The following KCNJ4 variants were observed in gnomAD, a reference collection of about 807,000 sequenced individuals.
The protein encoded by KCNJ4 is inward rectifier potassium channel 4.
A neutral mutation model predicts 25.6 loss-of-function variants in KCNJ4; 3 were observed. The ratio of observed to expected loss-of-function variants is 0.12; its 90% confidence interval spans 0.05 to 0.30. KCNJ4 has a LOEUF of 0.30. Ranked by LOEUF, KCNJ4 falls within the 10% of genes least tolerant of loss-of-function variation. The pLI, the probability that KCNJ4 is intolerant of heterozygous loss-of-function variation, is 1.00. For synonymous variants in KCNJ4, 257 were observed against 283.9 expected (o/e 0.91, Z 0.95); for missense variants, 286 against 666.8 (o/e 0.43, Z 6.29).
chr22:38,454,436 T>G (rs1223257481), intron 1 of KCNJ4, among the ~76,000 whole-genome samples: 1 of 152,080 alleles, frequency 6.6e-6, no homozygotes, highest in African/African-American at 2.4e-5. Context: ...TCTGCCTCCC[T>G]CCCCAGCCTG....
intron 1 of KCNJ4, among the ~76,000 whole-genome samples, chr22:38,429,083 CAAAAAAAAAAAA>C (rs10582408): frequency 4.6e-5 from 5 of 108,884 alleles, no homozygotes; most frequent in Non-Finnish European, 9.4e-5. Context: ...GACCCCATGT[CAAAAAAAAAAAA>C]AAAAAAAAAA....
intron 1 of KCNJ4, among the ~76,000 whole-genome samples, chr22:38,437,904 AC>A (rs2089303999): frequency 6.6e-6 from 1 of 152,056 alleles, no homozygotes; most frequent in African/African-American, 2.4e-5. Context: ...GGAGTTCCAG[AC>A]CAGCCTGGCC....
chr22:38,447,598 G>C (rs2089383603), intron 1 of KCNJ4, among the ~76,000 whole-genome samples: 1 of 152,080 alleles, frequency 6.6e-6, no homozygotes, highest in Non-Finnish European at 1.5e-5. Context: ...GTCTAGGGTG[G>C]GGGCTGGGAG....
At chr22:38,432,972 A>C (rs997010165) in intron 1 of KCNJ4, among the ~76,000 whole-genome samples, 10 of 152,100 alleles carry the variant, frequency 6.6e-5, no homozygotes, top group African/African-American at 2.4e-4. Context: ...CTCCATCTCA[A>C]AAAAAAGATC....
chr22:38,428,075 G>A lies in KCNJ4; in HGVS notation c.58C>T (p.Arg20Cys). 2 of 1,613,950 alleles carry A rather than the reference G, an allele frequency of 1.2e-6. No homozygotes were observed. The highest frequency in any genetic ancestry group is 1.7e-6 in the Non-Finnish European group (2 of 1,179,898). ...AHVPRRKRRN[R>C]FVKKNGQCNV... ...CATTGGCCGTTCTTCTTGACGAAGC[G>A]GTTGCGGCGCTTCCGCCGGGGCACG... Residue 20 changes from arginine (R) to cysteine (C), a missense_variant, in exon 2 of 2, where the codon CGC becomes TGC. Around this residue, in one of 11 missense-constraint regions of KCNJ4, gnomAD observed 32 missense variants for 38.4 expected, o/e 0.83. Transcript: ENST00000303592.
chr22:38,446,764 T>C (rs2145946505), intron 1 of KCNJ4, among the ~76,000 whole-genome samples: 1 of 152,180 alleles, frequency 6.6e-6, no homozygotes, highest in African/African-American at 2.4e-5. Flanking sequence ...GAGACCAGCC[T>C]GGCCAACATA....
rs150693544 is a variant in KCNJ4, at chr22:38,427,560, C to T, written c.573G>A (p.Ala191=). The T allele has an allele frequency of 1.9e-4, 308 of 1,610,994 alleles. No homozygotes were observed. Among genetic ancestry groups the T allele is most frequent in the Middle Eastern group, 3.3e-4 (2 of 6,048 alleles). ...GCTTGCCGTCGCGCACCGAAATGAC[C>T]GCGTGGTGGCTGAACAGCAACGTCT... ...RAQTLLFSHH[A]VISVRDGKLC... is the part of the protein sequence containing the mutation. Residue 191 remains alanine (A), a synonymous_variant, in exon 2 of 2, where the codon GCG becomes GCA. Coordinates refer to ENST00000303592, the MANE Select transcript of KCNJ4 (RefSeq NM_152868.3).
chr22:38,454,277 A>G (rs556266185), intron 1 of KCNJ4, among the ~76,000 whole-genome samples: 1 of 152,242 alleles, frequency 6.6e-6, no homozygotes, highest in African/African-American at 2.4e-5. Flanking sequence ...AAGCAGGGAC[A>G]CTGGGGGCAG....
At chr22:38,430,254 G>A (rs1189604101) in intron 1 of KCNJ4, among the ~76,000 whole-genome samples, 3 of 152,258 alleles carry the variant, frequency 2.0e-5, no homozygotes, top group African/African-American at 7.2e-5. Flanking sequence ...TGTAATCCCA[G>A]CACTTTGGGA....
At chr22:38,429,441 G>C (rs2145931800) in intron 1 of KCNJ4, among the ~76,000 whole-genome samples, 1 of 152,312 alleles carries the variant, frequency 6.6e-6, no homozygotes, top group African/African-American at 2.4e-5. Flanking sequence ...GGGAGTGGGA[G>C]GGGAGGACAC....
At chr22:38,433,867 C>A (rs1197458526) in intron 1 of KCNJ4, among the ~76,000 whole-genome samples, 1 of 152,206 alleles carries the variant, frequency 6.6e-6, no homozygotes, top group Non-Finnish European at 1.5e-5. Context: ...AGGAAGACCA[C>A]CCCAACCCTG....
chr22:38,452,802 C>T (rs1260458584), intron 1 of KCNJ4, among the ~76,000 whole-genome samples: 4 of 151,592 alleles, frequency 2.6e-5, no homozygotes, highest in Non-Finnish European at 1.5e-5. Context: ...GGCCCTGGGG[C>T]CTCCCCTCCT....
chr22:38,450,988 T>C (rs1882146793), intron 1 of KCNJ4, among the ~76,000 whole-genome samples: 1 of 151,924 alleles, frequency 6.6e-6, no homozygotes, highest in Non-Finnish European at 1.5e-5. Flanking sequence ...TGTCTTACTG[T>C]GTGACCCTGG....
At chr22:38,438,506 G>A (rs1009741369) in intron 1 of KCNJ4, among the ~76,000 whole-genome samples, 2 of 151,130 alleles carry the variant, frequency 1.3e-5, no homozygotes, top group African/African-American at 2.4e-5. Context: ...TGGCTAACAC[G>A]GTGAAACCCT....
rs182364545 is a variant in KCNJ4 at position 38,443,724 on chromosome 22, C to A, written c.-40+11256G>T. ...CCTCGGGGCCCCGGACACGTCCCCTCACCTAGTCATCCACCCCAAAGAGCC... is the reference window on the plus strand; with the variant it reads ...CCTCGGGGCCCCGGACACGTCCCCTAACCTAGTCATCCACCCCAAAGAGCC... On this transcript the variant is annotated intron_variant, in intron 1 of 1. Transcript: ENST00000303592. The surrounding 1 kb of genome is among the most constrained non-coding windows in gnomAD (Gnocchi z 4.1). Among the ~76,000 whole-genome samples the A allele has an allele frequency of 4.6e-4, 70 of 152,310 alleles. No homozygotes were observed. The highest frequency in any genetic ancestry group is 1.6e-3 in the African/African-American group (67 of 41,564).
At chr22:38,438,265 G>C (rs1288622573) in intron 1 of KCNJ4, among the ~76,000 whole-genome samples, 2 of 138,304 alleles carry the variant, frequency 1.4e-5, no homozygotes, top group Admixed American at 1.4e-4. Context: ...AAAAAAGCCA[G>C]GTGTGGTGGC....
rs1281543203 is a variant in KCNJ4 at position 38,428,751 on chromosome 22, C to T, written c.-39-580G>A. Among the ~76,000 whole-genome samples, 4 of 152,278 alleles carry T rather than the reference C, an allele frequency of 2.6e-5. No individual in the cohort carries two copies. In the East Asian group the frequency reaches 5.8e-4, roughly 22 times the overall value. The stretch of plus-strand genomic sequence containing the variant: ...TCAGGAGCCACATGTGGTCAACGGC[C>T]ACCACACTGGACAGAGAAGACACAG... On this transcript the variant is annotated intron_variant, in intron 1 of 1. Transcript: ENST00000303592.
intron 1 of KCNJ4, among the ~76,000 whole-genome samples, chr22:38,446,306 T>G (rs1294792128): frequency 6.6e-6 from 1 of 152,192 alleles, no homozygotes; most frequent in Non-Finnish European, 1.5e-5. Flanking sequence ...CACCCAGTTC[T>G]CTCTCTCTGC....
At position 38,449,721 on chromosome 22, in the gene KCNJ4, T is replaced by A. The variant is rs921649897; in HGVS notation, c.-40+5259A>T. On this transcript the variant is annotated intron_variant, in intron 1 of 1. Transcript: ENST00000303592. This position sits in a 1 kb window ranked among gnomAD's most constrained non-coding sequence, Gnocchi z 5.2. The stretch of plus-strand genomic sequence containing the variant: ...ATCAGGCAAAACCCATCCATTCAAA[T>A]CCAGCCTGTTTCCAGCCAGCCACTT... Among the ~76,000 whole-genome samples the A allele has an allele frequency of 2.0e-5, 3 of 152,316 alleles. No individual in the cohort carries two copies. In the East Asian group the frequency reaches 5.8e-4, roughly 29 times the overall value.
Sources: gnomAD v4.1 joint callset for allele counts (sites outside exome capture counted in the v4.1 genomes callset) on GRCh38, gnomAD v4.1.1 for gene constraint, gnomAD v4.1.1 regional missense constraint, Gnocchi (gnomAD v3.1) non-coding constraint, MANE v1.5 for transcripts, NCBI Gene and HGNC (gene_info 2026-07-23, HGNC 2026-07-21) for gene names.